The following GBE1 variants were observed in gnomAD, a reference collection of about 807,000 sequenced individuals.
GBE1 encodes the protein 1,4-alpha-glucan branching enzyme 1, also known as 1,4-alpha-glucan-branching enzyme.
In GBE1, 70 loss-of-function variants were observed where a neutral mutation model predicts 88.8. The observed-to-expected ratio is 0.79, with a 90% CI of 0.65 to 0.96. The LOEUF is 0.96. Ranked by LOEUF, GBE1 falls within the 40% of genes least tolerant of loss-of-function variation. The pLI is 0.00. For synonymous variants in GBE1, 284 were observed against 300.1 expected, an observed-to-expected ratio of 0.95 and a Z score of 0.56; for missense variants, 872 against 871.0, an observed-to-expected ratio of 1.00 and a Z score of -0.01.
chr3:81,642,687 T>G, intron 7 of GBE1, 94 bp downstream of exon 7: 1 of 795,574 alleles, frequency 1.3e-6, no homozygotes, highest in African/African-American at 1.7e-5. Context: ...TAAGTACCAG[T>G]GAGAGAGTAC....
At chr3:81,611,804 TA>T (rs1559662398) in intron 7 of GBE1, among the ~76,000 whole-genome samples, 1 of 152,180 alleles carries the variant, frequency 6.6e-6, no homozygotes, top group African/African-American at 2.4e-5. Flanking sequence ...ATATAATGAA[TA>T]GCATTAGTTA....
intron 7 of GBE1, among the ~76,000 whole-genome samples, chr3:81,618,817 A>T (rs2107008144): frequency 6.6e-6 from 1 of 152,244 alleles, no homozygotes; most frequent in African/African-American, 2.4e-5. Context: ...TTGAAAAATT[A>T]AGACTACAGC....
chr3:81,729,516 A>G (rs1706158014), intron 1 of GBE1, among the ~76,000 whole-genome samples: 1 of 152,240 alleles, frequency 6.6e-6, no homozygotes. Context: ...CTTATGAGCT[A>G]GTAAGTGCAA....
chr3:81,568,454 A>G (rs1703527030), intron 12 of GBE1, among the ~76,000 whole-genome samples: 1 of 148,244 alleles, frequency 6.7e-6, no homozygotes, highest in African/African-American at 2.5e-5. Flanking sequence ...TCTTTGTGTC[A>G]CTTATCATTT....
At chr3:81,586,066 C>A (rs763695519) in intron 10 of GBE1, 26 bp downstream of exon 10, 1 of 1,424,458 alleles carries the variant, frequency 7.0e-7, no homozygotes, top group Admixed American at 1.9e-5. Context: ...TTCACAGAAA[C>A]AAAAAATATT....
chr3:81,663,421 G>A (rs1455937415), intron 3 of GBE1, among the ~76,000 whole-genome samples: 1 of 152,104 alleles, frequency 6.6e-6, no homozygotes, highest in Non-Finnish European at 1.5e-5. Flanking sequence ...TATACTGGTG[G>A]GACAAGACAG....
At position 81,606,139 on chromosome 3, in the gene GBE1, C is replaced by T. The variant is rs920068695; in HGVS notation, c.993-12116G>A. 5.3e-5 allele frequency among the ~76,000 whole-genome samples: 8 copies of T among 152,226 alleles called. No individual in the cohort carries two copies. The East Asian group carries it at 7.7e-4, about 15-fold the overall frequency. On this transcript the variant is annotated intron_variant, in intron 7 of 15. Transcript: ENST00000429644. ...AAACAAAATACTAGAAGAAACCTTG[C>T]GTTTACAATGCTAGTGATGCACACT... is the stretch of plus-strand genomic sequence containing the variant.
chr3:81,719,172 G>A (rs1705984675), intron 1 of GBE1, among the ~76,000 whole-genome samples: 1 of 152,058 alleles, frequency 6.6e-6, no homozygotes, highest in African/African-American at 2.4e-5. Context: ...CACAAAGTAT[G>A]TTAACTTTTC....
intron 3 of GBE1, among the ~76,000 whole-genome samples, chr3:81,655,341 C>T (rs1704918814): frequency 2.6e-5 from 4 of 151,640 alleles, no homozygotes; most frequent in South Asian, 2.1e-4. Flanking sequence ...CCACTGCACC[C>T]GGCCTATAAT....
chr3:81,556,060 G>A (rs1703344059), intron 12 of GBE1, among the ~76,000 whole-genome samples: 2 of 152,072 alleles, frequency 1.3e-5, no homozygotes, highest in Admixed American at 6.6e-5. Flanking sequence ...TGTACAGTGA[G>A]ATGTTCTGTA....
intron 12 of GBE1, among the ~76,000 whole-genome samples, chr3:81,538,980 T>C (rs1046555125): frequency 3.3e-5 from 5 of 152,058 alleles, no homozygotes; most frequent in Admixed American, 6.6e-5. Flanking sequence ...ACGATGACAG[T>C]AGAAGCAGCA....
chr3:81,519,732 G>A (rs1226333116), intron 14 of GBE1, among the ~76,000 whole-genome samples: 1 of 151,158 alleles, frequency 6.6e-6, no homozygotes, highest in Admixed American at 6.6e-5. Flanking sequence ...TCACATGTAA[G>A]TTTTGCTTTA....
chr3:81,544,358 CA>C (rs545172110), intron 12 of GBE1, among the ~76,000 whole-genome samples: 110 of 152,050 alleles, frequency 7.2e-4, no homozygotes, highest in Non-Finnish European at 1.4e-3. Flanking sequence ...CACTAACCAT[CA>C]AAGCATGATC....
chr3:81,553,444 G>A (rs1004505163), intron 12 of GBE1, among the ~76,000 whole-genome samples: 1 of 151,686 alleles, frequency 6.6e-6, no homozygotes, highest in Non-Finnish European at 1.5e-5. Context: ...CAGATATCCT[G>A]TATTTTCATC....
intron 1 of GBE1, among the ~76,000 whole-genome samples, chr3:81,745,633 T>C (rs1389053425): frequency 6.6e-6 from 1 of 152,112 alleles, no homozygotes; most frequent in Non-Finnish European, 1.5e-5. Flanking sequence ...TATAATGAGT[T>C]ACAATTGTAG....
chr3:81,560,591 G>A (rs1006083339), intron 12 of GBE1, among the ~76,000 whole-genome samples: 4 of 151,882 alleles, frequency 2.6e-5, no homozygotes, highest in Non-Finnish European at 2.9e-5. Flanking sequence ...ACTTATCTTT[G>A]TCATTTCATC....
At chr3:81,564,053 T>TCTTA (rs1159529934) in intron 12 of GBE1, among the ~76,000 whole-genome samples, 1 of 152,060 alleles carries the variant, frequency 6.6e-6, no homozygotes, top group African/African-American at 2.4e-5. Context: ...TGGAACAGCA[T>TCTTA]TAAGAGATGT....
intron 12 of GBE1, among the ~76,000 whole-genome samples, chr3:81,539,093 A>G (rs973227049): frequency 6.6e-6 from 1 of 152,036 alleles, no homozygotes; most frequent in South Asian, 2.1e-4. Context: ...TAATATCATT[A>G]TTTCAATTTT....
intron 15 of GBE1, 98 bp downstream of exon 15, chr3:81,499,012 A>T: frequency 4.2e-6 from 3 of 712,210 alleles, no homozygotes; most frequent in South Asian, 1.9e-5. Context: ...CTTTTTTTCC[A>T]TGTTGCTTAT....
Sources: gnomAD v4.1 joint callset for allele counts (sites outside exome capture counted in the v4.1 genomes callset) on GRCh38, gnomAD v4.1.1 for gene constraint, MANE v1.5 for transcripts, NCBI Gene and HGNC (gene_info 2026-07-23, HGNC 2026-07-21) for gene names.